The following RRAGD variants were observed in gnomAD, a reference collection of about 807,000 sequenced individuals.
The protein encoded by RRAGD is Ras related GTP binding D.
Under a neutral mutation model 35.5 loss-of-function variants are expected in RRAGD, and 12 were observed. That is an observed-to-expected ratio of 0.34 (90% confidence interval 0.22 to 0.55). RRAGD has a LOEUF of 0.55. Among genes scored for constraint, RRAGD ranks in the 20% least tolerant of loss-of-function variants. The pLI is 0.91. For missense variants in RRAGD, 324 were observed against 490.1 expected, an observed-to-expected ratio of 0.66 and a Z score of 3.20; for synonymous variants, 155 against 178.9, an observed-to-expected ratio of 0.87 and a Z score of 1.07.
intron 2 of RRAGD, among the ~76,000 whole-genome samples, chr6:89,380,912 G>GGA (rs780496689): frequency 7.3e-6 from 1 of 136,776 alleles, no homozygotes; most frequent in Non-Finnish European, 1.6e-5. Context: ...GTCACAAAAA[G>GGA]AAAAAAAAAA....
At chr6:89,405,359 A>AG (rs1472153076) in intron 1 of RRAGD, among the ~76,000 whole-genome samples, 1 of 150,900 alleles carries the variant, frequency 6.6e-6, no homozygotes, top group Non-Finnish European at 1.5e-5. Flanking sequence ...GTCTCAAAAA[A>AG]AAAAAAAAAA....
At chr6:89,392,418 T>C (rs1198599075) in intron 1 of RRAGD, among the ~76,000 whole-genome samples, 1 of 149,832 alleles carries the variant, frequency 6.7e-6, no homozygotes, top group East Asian at 2.0e-4. Context: ...AGTTCAAGGC[T>C]GCCGTGAGCT....
At chr6:89,388,271 C>T (rs2127891162) in intron 1 of RRAGD, among the ~76,000 whole-genome samples, 1 of 152,276 alleles carries the variant, frequency 6.6e-6, no homozygotes, top group South Asian at 2.1e-4. Flanking sequence ...TTCAAATCCT[C>T]CTCCTATGAT....
intron 1 of RRAGD, among the ~76,000 whole-genome samples, chr6:89,402,892 T>TCAA (rs1769501221): frequency 6.6e-6 from 1 of 152,192 alleles, no homozygotes; most frequent in Non-Finnish European, 1.5e-5. Context: ...CAACCTCTCA[T>TCAA]CAACCTGTGG....
intron 3 of RRAGD, 150 bp downstream of exon 3, chr6:89,380,018 A>G: frequency 2.8e-6 from 2 of 711,532 alleles, no homozygotes; most frequent in Non-Finnish European, 4.8e-6. Context: ...TGCAAAGCTC[A>G]TTTTCCCCTA....
intron 1 of RRAGD, among the ~76,000 whole-genome samples, chr6:89,395,400 A>G (rs983732248): frequency 2.0e-5 from 3 of 152,228 alleles, no homozygotes; most frequent in African/African-American, 7.2e-5. Context: ...CAAAGAAAGA[A>G]GGGAAAAGAA....
intron 4 of RRAGD, among the ~76,000 whole-genome samples, chr6:89,378,596 A>C (rs1162740467): frequency 1.3e-5 from 2 of 152,190 alleles, no homozygotes; most frequent in Non-Finnish European, 2.9e-5. Context: ...CACTCATAGC[A>C]TGTTAAACTT....
chr6:89,410,055 TCTGGG>T (rs371045011), intron 1 of RRAGD, among the ~76,000 whole-genome samples: 426 of 152,360 alleles, frequency 2.8e-3, no homozygotes, highest in African/African-American at 9.4e-3. Flanking sequence ...AGCCTCCAAG[TCTGGG>T]CTCTGGGGAA....
At chr6:89,384,813 C>CAA (rs34091216) in intron 2 of RRAGD, among the ~76,000 whole-genome samples, 6 of 101,592 alleles carry the variant, frequency 5.9e-5, no homozygotes, top group Non-Finnish European at 1.1e-4. Flanking sequence ...GACTCCGTCT[C>CAA]AAAAAAAAAA....
chr6:89,408,740 G>A (rs1351230833), intron 1 of RRAGD, among the ~76,000 whole-genome samples: 6 of 152,072 alleles, frequency 3.9e-5, no homozygotes, highest in Admixed American at 6.5e-5. Flanking sequence ...GGTTTTGGGG[G>A]GAAAACAATT....
chr6:89,410,744 A>T (rs1290113411), intron 1 of RRAGD, among the ~76,000 whole-genome samples: 1 of 152,250 alleles, frequency 6.6e-6, no homozygotes. Context: ...TAATGAAACT[A>T]CCCTAGTGAG....
Position 89,379,347 on chromosome 6 carries a change from G to T in RRAGD, c.645-9C>A, listed in dbSNP as rs757395220. Reference sequence around the variant, plus strand: ...TGCTTGTCAGATAAAAGCTGAAAGAGGAAACGGTATTTCATCATGTTTTCC... The same window carrying T: ...TGCTTGTCAGATAAAAGCTGAAAGATGAAACGGTATTTCATCATGTTTTCC... On this transcript the variant is annotated splice_polypyrimidine_tract_variant and intron_variant, in intron 3 of 6. Coordinates refer to ENST00000369415, the MANE Select transcript of RRAGD (RefSeq NM_021244.5). The T allele has an allele frequency of 7.1e-7, 1 of 1,411,492 alleles. No individual in the cohort carries two copies. The highest frequency in any genetic ancestry group is 9.9e-7 in the Non-Finnish European group (1 of 1,005,946). The allele number at this position is 1,411,492 out of a possible 1,614,324, so 87.4% of individuals were successfully genotyped here. A position where few individuals can be genotyped will look rare whatever the true frequency, so the allele number is the denominator to read the frequency against.
Position 89,403,696 on chromosome 6 carries a change from T to TCAATCATAGCTCACTG in RRAGD, c.148+8134_148+8149dup, listed in dbSNP as rs565024797. ...CTCAGGCTGGAGCTCAGTGAGTGGC[T>TCAATCATAGCTCACTG]CAATCATAGCTCACTGCAGCCTCAA... On this transcript the variant is annotated intron_variant, in intron 1 of 6. Transcript: ENST00000369415. Among the ~76,000 whole-genome samples, 26 of 148,500 alleles carry TCAATCATAGCTCACTG rather than the reference T, an allele frequency of 1.8e-4. No homozygotes were observed. The South Asian group carries it at 5.3e-3, about 31-fold the overall frequency.
chr6:89,381,887 G>T (rs974817963), intron 2 of RRAGD, among the ~76,000 whole-genome samples: 3 of 152,116 alleles, frequency 2.0e-5, no homozygotes, highest in African/African-American at 7.2e-5. Context: ...TCAGGTCATA[G>T]GTAGGAGTGC....
intron 1 of RRAGD, among the ~76,000 whole-genome samples, chr6:89,403,239 A>G (rs1291721264): frequency 1.3e-5 from 2 of 152,130 alleles, no homozygotes; most frequent in African/African-American, 2.4e-5. Flanking sequence ...CAGGAGATCA[A>G]TCGAGACCAT....
chr6:89,371,600 T>C (rs1464611910), intron 6 of RRAGD, among the ~76,000 whole-genome samples: 1 of 152,220 alleles, frequency 6.6e-6, no homozygotes, highest in Admixed American at 6.5e-5. Context: ...TTTCAAAGCA[T>C]TTTTAATTTA....
In RRAGD at chr6:89,380,155, T is replaced by C. The variant is rs1161142206; in HGVS notation, c.644+13A>G. 12 of 1,612,956 alleles carry C rather than the reference T, an allele frequency of 7.4e-6. No homozygotes were observed. Among genetic ancestry groups the C allele is most frequent in the Admixed American group, 1.7e-5 (1 of 59,928 alleles). ...ATCCTTTATTGGGATCCTTAAGGGGTTTCTGTTCTCACCTGAGGTGAATTT... is the reference window on the plus strand; with the variant it reads ...ATCCTTTATTGGGATCCTTAAGGGGCTTCTGTTCTCACCTGAGGTGAATTT... On this transcript the variant is annotated intron_variant, in intron 3 of 6. Transcript: ENST00000369415.
intron 1 of RRAGD, among the ~76,000 whole-genome samples, chr6:89,405,490 A>G (rs1481800825): frequency 1.3e-5 from 2 of 151,986 alleles, no homozygotes; most frequent in Non-Finnish European, 2.9e-5. Context: ...GACCCCATAC[A>G]TGTCCCCTTG....
At chr6:89,408,901 CCT>C (rs539436202) in intron 1 of RRAGD, among the ~76,000 whole-genome samples, 2 of 152,158 alleles carry the variant, frequency 1.3e-5, no homozygotes, top group Non-Finnish European at 2.9e-5. Context: ...ACCATTCCCT[CCT>C]CTCTGGTAGT....
Sources: gnomAD v4.1 joint callset for allele counts (sites outside exome capture counted in the v4.1 genomes callset) on GRCh38, gnomAD v4.1.1 for gene constraint, MANE v1.5 for transcripts, NCBI Gene and HGNC (gene_info 2026-07-23, HGNC 2026-07-21) for gene names.